The following NNT variants were observed in gnomAD, a reference collection of about 807,000 sequenced individuals.
The protein encoded by NNT is NAD(P) transhydrogenase, mitochondrial.
A neutral mutation model predicts 104.8 loss-of-function variants in NNT; 50 were observed. The ratio of observed to expected loss-of-function variants is 0.48; its 90% CI spans 0.38 to 0.60. NNT has a LOEUF of 0.60. Among genes scored for constraint, NNT ranks in the 20% least tolerant of loss-of-function variants. The pLI is 0.00. For synonymous variants in NNT, 461 were observed against 490.4 expected, an observed-to-expected ratio of 0.94 and a Z score of 0.79; for missense variants, 1,131 against 1,330.7, an observed-to-expected ratio of 0.85 and a Z score of 2.33.
rs548752189 is a variant in NNT at position 43,655,770 on chromosome 5, G to C, written c.2060-70G>C. On this transcript the variant is annotated intron_variant, in intron 14 of 21. Coordinates refer to ENST00000344920, the MANE Select transcript of NNT (RefSeq NM_182977.3). ...TGTGACAATGGTGGAAATCCTTAAG[G>C]GTGATCTTTGTTGTGGTTACTTCTC... is the stretch of plus-strand genomic sequence containing the variant. 38 of 1,047,924 alleles carry C rather than the reference G, an allele frequency of 3.6e-5. 1 individual carries two copies. In the African/African-American group the frequency reaches 4.9e-4, roughly 13 times the overall value. The allele number at this position is 1,047,924 out of a possible 1,614,324, so 64.9% of individuals were successfully genotyped here.
chr5:43,677,151 C>T (rs139658123), intron 18 of NNT, among the ~76,000 whole-genome samples: 31 of 151,918 alleles, frequency 2.0e-4, no homozygotes, highest in Admixed American at 3.3e-4. Context: ...GTTATACTGG[C>T]GCTCAAATGA....
At position 43,691,160 on chromosome 5, in the gene NNT, C is replaced by T. The variant is rs577939838; in HGVS notation, c.2877-8959C>T. Among the ~76,000 whole-genome samples, 51 of 151,700 alleles carry T rather than the reference C, an allele frequency of 3.4e-4. 2 individuals are homozygous for T. The South Asian group carries it at 8.4e-3, about 25-fold the overall frequency. ...TGTCACCCAGGCTGGAGTGCAGTGG[C>T]GCAATCTTGGCTCACTGCAACCTCC... On this transcript the variant is annotated intron_variant, in intron 19 of 21. Transcript: ENST00000344920.
intron 17 of NNT, among the ~76,000 whole-genome samples, chr5:43,672,972 G>C (rs1172044586): frequency 6.6e-6 from 1 of 151,926 alleles, no homozygotes; most frequent in Non-Finnish European, 1.5e-5. Context: ...CCTACTCAAG[G>C]CTCAGCAATG....
Position 43,653,219 on chromosome 5 carries a change from C to G in NNT, c.2059+6C>G, listed in dbSNP as rs1739859518. 6.2e-7 allele frequency: 1 copy of G among 1,606,398 alleles called. No individual in the cohort carries two copies. Among genetic ancestry groups the G allele is most frequent in the Non-Finnish European group, 8.5e-7 (1 of 1,174,632 alleles). ...GGCTTTGGGTGGTACCATTGGTAAG[C>G]ACTTGTGGGCTTCTGCCTTCATGTG... is the stretch of plus-strand genomic sequence containing the variant. On this transcript the variant is annotated splice_donor_region_variant and intron_variant, in intron 14 of 21. Coordinates refer to ENST00000344920, the MANE Select transcript of NNT (RefSeq NM_182977.3).
rs375839330 is a variant in NNT, at chr5:43,675,876, A to G, written c.2794+206A>G. ...TTTGGAGATCACATGGAAATTCTAT[A>G]AATTCTTACAGTGGGTTCTAGCCAT... On this transcript the variant is annotated intron_variant, in intron 18 of 21. Transcript: ENST00000344920. Among the ~76,000 whole-genome samples, 6 of 152,290 alleles carry G rather than the reference A, an allele frequency of 3.9e-5. No individual in the cohort carries two copies. In the East Asian group the frequency reaches 7.7e-4, roughly 20 times the overall value.
Position 43,656,041 on chromosome 5 carries a change from G to C in NNT, c.2261G>C (p.Ser754Thr). 6.2e-7 allele frequency: 1 copy of C among 1,614,190 alleles called. No individual in the cohort carries two copies. Among genetic ancestry groups the C allele is most frequent in the East Asian group, 2.2e-5 (1 of 44,876 alleles). The change falls in exon 15 of 22, where the codon AGT becomes ACT. Residue 754 changes from serine to threonine, a missense_variant. Coordinates refer to ENST00000344920, the MANE Select transcript of NNT (RefSeq NM_182977.3). ...LGTYIGGVTFSGSLIAYGKLQ... is the reference protein window; with the variant it reads ...LGTYIGGVTFTGSLIAYGKLQ... The stretch of plus-strand genomic sequence containing the variant: ...ACTTACATTGGTGGCGTCACCTTTA[G>C]TGGGTCTCTCATTGCCTATGGAAAA...
At chr5:43,678,275 G>T (rs1403611262) in intron 19 of NNT, among the ~76,000 whole-genome samples, 5 of 152,152 alleles carry the variant, frequency 3.3e-5, no homozygotes, top group Admixed American at 3.3e-4. Flanking sequence ...TCAAACCCAT[G>T]TTGTTCAAGG....
At chr5:43,670,132 C>T (rs1740971326) in intron 17 of NNT, among the ~76,000 whole-genome samples, 1 of 152,000 alleles carries the variant, frequency 6.6e-6, no homozygotes, top group African/African-American at 2.4e-5. Flanking sequence ...GTGATATTCT[C>T]CTTATCATTT....
rs1743057761 is a variant in NNT, at chr5:43,705,290, T to A, written c.*886T>A. On this transcript the variant is annotated 3_prime_UTR_variant, in exon 22 of 22. Transcript: ENST00000344920. ...GAGTAAAATCAAATATTTCTGCCTG[T>A]TACAAATATCAAGGAAGACCTGCTA... The A allele has an allele frequency of 2.6e-5, 4 of 152,172 alleles. No individual in the cohort carries two copies. The highest frequency in any genetic ancestry group is 4.4e-5 in the Non-Finnish European group (3 of 67,992). The allele number at this position is 152,172 out of a possible 1,614,324, so 9.4% of individuals were successfully genotyped here. A position where few individuals can be genotyped will look rare whatever the true frequency, so the allele number is the denominator to read the frequency against.
intron 7 of NNT, among the ~76,000 whole-genome samples, chr5:43,637,305 A>G (rs1287591468): frequency 6.6e-6 from 1 of 152,184 alleles, no homozygotes; most frequent in South Asian, 2.1e-4. Context: ...TATATTTTAC[A>G]TAATCTATCA....
In NNT at chr5:43,700,143, C is replaced by A; in HGVS notation, c.2901C>A (p.Gly967=). Reference sequence around the variant, plus strand: ...GGTTTGGAATTCACCCAGTTGCAGGCCGAATGCCTGGTCAGCTTAATGTGC... The same window carrying A: ...GGTTTGGAATTCACCCAGTTGCAGGACGAATGCCTGGTCAGCTTAATGTGC... ...KVRFGIHPVA[G]RMPGQLNVLL... is the part of the protein sequence containing the mutation. Residue 967 remains glycine (G), a synonymous_variant, in exon 20 of 22, where the codon GGC becomes GGA. Transcript: ENST00000344920. 2 of 1,612,114 alleles carry A rather than the reference C, an allele frequency of 1.2e-6. No individual in the cohort carries two copies. The highest frequency in any genetic ancestry group is 1.1e-5 in the South Asian group (1 of 90,738).
At chr5:43,692,412 C>T (rs1231916805) in intron 19 of NNT, among the ~76,000 whole-genome samples, 1 of 152,164 alleles carries the variant, frequency 6.6e-6, no homozygotes, top group Non-Finnish European at 1.5e-5. Flanking sequence ...CCACCTCCGC[C>T]TCCCGGGTTC....
chr5:43,637,312 A>G (rs1750982447), intron 7 of NNT, among the ~76,000 whole-genome samples: 1 of 152,174 alleles, frequency 6.6e-6, no homozygotes, highest in Non-Finnish European at 1.5e-5. Context: ...TACATAATCT[A>G]TCATTTCTTA....
intron 3 of NNT, among the ~76,000 whole-genome samples, chr5:43,615,181 T>A (rs951109154): frequency 3.9e-5 from 6 of 152,068 alleles, no homozygotes; most frequent in African/African-American, 1.4e-4. Flanking sequence ...AAAAATAAAA[T>A]AAAAAATGGA....
intron 19 of NNT, among the ~76,000 whole-genome samples, chr5:43,679,140 A>AT (rs146177531): frequency 0.028 from 4,231 of 152,298 alleles, 123 homozygotes; most frequent in Admixed American, 0.073. Flanking sequence ...TTTACATAGG[A>AT]TATTAAGCTG....
At chr5:43,669,351 C>G (rs2112046767) in intron 17 of NNT, among the ~76,000 whole-genome samples, 2 of 152,234 alleles carry the variant, frequency 1.3e-5, no homozygotes, top group South Asian at 4.1e-4. Context: ...GCATCCCTGT[C>G]TTGTGCCAGT....
Position 43,704,461 on chromosome 5 carries a change from C to G in NNT, c.*57C>G, listed in dbSNP as rs147932866. On this transcript the variant is annotated 3_prime_UTR_variant, in exon 22 of 22. Coordinates refer to ENST00000344920, the MANE Select transcript of NNT (RefSeq NM_182977.3). ...CCACCTCTGCAGTTTTGGGAACAGG[C>G]AAATAAAGTATCAGTATACATGGTG... The G allele has an allele frequency of 5.1e-6, 8 of 1,560,456 alleles. No homozygotes were observed. The African/African-American group carries it at 8.1e-5, about 16-fold the overall frequency.
At chr5:43,650,398 T>G in intron 11 of NNT, 79 bp from the exon 12 acceptor site, 1 of 980,542 alleles carries the variant, frequency 1.0e-6, no homozygotes, top group South Asian at 1.4e-5. Context: ...TGAATCTATG[T>G]ATGTGAGGTA....
At chr5:43,622,320 A>T (rs1374691902) in intron 5 of NNT, among the ~76,000 whole-genome samples, 1 of 152,218 alleles carries the variant, frequency 6.6e-6, no homozygotes, top group Non-Finnish European at 1.5e-5. Context: ...CTTTACTCAG[A>T]TGGGGAAGGC....
Sources: gnomAD v4.1 joint callset for allele counts (sites outside exome capture counted in the v4.1 genomes callset) on GRCh38, gnomAD v4.1.1 for gene constraint, MANE v1.5 for transcripts, NCBI Gene and HGNC (gene_info 2026-07-23, HGNC 2026-07-21) for gene names.